The following SCMH1 variants were observed in gnomAD, a reference collection of about 807,000 sequenced individuals.
The protein encoded by SCMH1 is polycomb protein SCMH1.
A neutral mutation model predicts 70.8 loss-of-function variants in SCMH1; 37 were observed. That is an observed-to-expected ratio of 0.52 (90% CI 0.40 to 0.69). The LOEUF (loss-of-function observed/expected upper bound fraction) is 0.69. SCMH1 is among the 30% of genes least tolerant of loss of function. SCMH1 has a pLI of 0.00. For synonymous variants in SCMH1, 292 were observed against 307.4 expected (o/e 0.95, Z 0.52); for missense variants, 607 against 827.3 (o/e 0.73, Z 3.27).
chr1:41,141,485 C>CTA lies in SCMH1; in HGVS notation c.412+1391_412+1392dup, dbSNP rs542768836. On this transcript the variant is annotated intron_variant, in intron 6 of 14. Coordinates refer to ENST00000337495, the Ensembl canonical transcript of SCMH1. The stretch of plus-strand genomic sequence containing the variant: ...CATTATAAAACAAGAGACAACCAGA[C>CTA]TATACATGCTTCTTGATAGAAATAA... Among the ~76,000 whole-genome samples, 927 of 152,266 alleles carry CTA rather than the reference C, an allele frequency of 6.1e-3. 13 individuals are homozygous for CTA. Among genetic ancestry groups the CTA allele is most frequent in the African/African-American group, 0.021 (886 of 41,546 alleles).
At chr1:41,036,560 G>A (rs1645325486) in intron 13 of SCMH1, among the ~76,000 whole-genome samples, 1 of 152,124 alleles carries the variant, frequency 6.6e-6, no homozygotes, top group Non-Finnish European at 1.5e-5. Context: ...AACTTGTTTA[G>A]GTTTCTCTAG....
chr1:41,191,685 C>G (rs1371664063), intron 1 of SCMH1, among the ~76,000 whole-genome samples: 1 of 152,148 alleles, frequency 6.6e-6, no homozygotes, highest in Non-Finnish European at 1.5e-5. Context: ...TGGTATACTT[C>G]TATTGGCAAA....
At chr1:41,065,553 C>G (rs1044165083) in intron 10 of SCMH1, among the ~76,000 whole-genome samples, 2 of 152,160 alleles carry the variant, frequency 1.3e-5, no homozygotes, top group African/African-American at 4.8e-5. Context: ...GCTGATACTA[C>G]CTGACTTCAA....
At chr1:41,050,756 T>C (rs1647812602) in intron 10 of SCMH1, among the ~76,000 whole-genome samples, 1 of 152,202 alleles carries the variant, frequency 6.6e-6, no homozygotes, top group South Asian at 2.1e-4. Flanking sequence ...CAAAGCTGTA[T>C]ACCCTAAAGC....
chr1:41,145,850 T>A (rs769610268), intron 5 of SCMH1, among the ~76,000 whole-genome samples: 4 of 152,184 alleles, frequency 2.6e-5, no homozygotes, highest in Non-Finnish European at 4.4e-5. Flanking sequence ...TAAAAAAACC[T>A]ACTGTGCTGC....
intron 9 of SCMH1, among the ~76,000 whole-genome samples, chr1:41,074,549 A>G (rs536231715): frequency 1.3e-5 from 2 of 152,288 alleles, no homozygotes; most frequent in Admixed American, 1.3e-4. Flanking sequence ...AAGCTGATTA[A>G]AAGAAAAAAA....
At chr1:41,241,666 C>G (rs1231654596) in intron 1 of SCMH1, among the ~76,000 whole-genome samples, 1 of 152,010 alleles carries the variant, frequency 6.6e-6, no homozygotes, top group Non-Finnish European at 1.5e-5. Flanking sequence ...CCAGCCTGCC[C>G]CGGCCCACCC....
chr1:41,058,253 CTCAA>C (rs1236852149), intron 10 of SCMH1, among the ~76,000 whole-genome samples: 2 of 151,514 alleles, frequency 1.3e-5, no homozygotes, highest in East Asian at 1.9e-4. Context: ...AAGAAATGGT[CTCAA>C]TCAATCAAGG....
chr1:41,150,472 C>A (rs951762032), intron 5 of SCMH1, among the ~76,000 whole-genome samples: 1 of 152,100 alleles, frequency 6.6e-6, no homozygotes, highest in Non-Finnish European at 1.5e-5. Flanking sequence ...CACCGCACTC[C>A]AGCCTGGGTG....
chr1:41,208,418 G>C (rs1399556450), intron 1 of SCMH1, among the ~76,000 whole-genome samples: 1 of 116,450 alleles, frequency 8.6e-6, no homozygotes, highest in Non-Finnish European at 1.8e-5. Flanking sequence ...CTAAAACTTA[G>C]AGTATAAGAA....
chr1:41,155,507 A>AAAACAAACAAAC (rs547168813), intron 4 of SCMH1, among the ~76,000 whole-genome samples: 1,792 of 152,064 alleles, frequency 0.012, 36 homozygotes, highest in African/African-American at 0.041. Context: ...ACATGGAGCA[A>AAAACAAACAAAC]AAACAAACAA....
chr1:41,158,104 C>T (rs182837909), intron 4 of SCMH1, among the ~76,000 whole-genome samples: 2 of 152,208 alleles, frequency 1.3e-5, no homozygotes, highest in Admixed American at 6.5e-5. Context: ...GGTAAACAGA[C>T]CCAAAACCAC....
intron 6 of SCMH1, among the ~76,000 whole-genome samples, chr1:41,136,736 T>C (rs557755439): frequency 1.3e-5 from 2 of 151,946 alleles, no homozygotes; most frequent in South Asian, 4.2e-4. Flanking sequence ...TAGTGGTTTG[T>C]CTATTTCATG....
intron 5 of SCMH1, among the ~76,000 whole-genome samples, chr1:41,145,687 C>G (rs1469465370): frequency 5.9e-5 from 9 of 152,112 alleles, no homozygotes; most frequent in Non-Finnish European, 4.4e-5. Flanking sequence ...TAGTCATGTT[C>G]TGCATAATGA....
At chr1:41,186,295 C>T in intron 1 of SCMH1, 45 bp from the exon 2 acceptor site, 1 of 557,976 alleles carries the variant, frequency 1.8e-6, no homozygotes, top group South Asian at 2.1e-5. Context: ...ACATTTATTA[C>T]CTGTAAAGTA....
intron 4 of SCMH1, chr1:41,152,871 G>T: frequency 1.1e-6 from 1 of 870,518 alleles, no homozygotes; most frequent in South Asian, 2.0e-5. Flanking sequence ...CCTTAACTAA[G>T]CCAAATAGAT....
At chr1:41,110,918 T>C (rs956815604) in intron 8 of SCMH1, among the ~76,000 whole-genome samples, 11 of 152,338 alleles carry the variant, frequency 7.2e-5, no homozygotes, top group African/African-American at 2.6e-4. Context: ...GATCGAGAAT[T>C]CCAGTTTTTC....
chr1:41,094,857 C>A (rs1057183109), intron 8 of SCMH1, among the ~76,000 whole-genome samples: 1 of 151,740 alleles, frequency 6.6e-6, no homozygotes, highest in Non-Finnish European at 1.5e-5. Flanking sequence ...CCATTGCACT[C>A]CAGCCTGTGG....
At chr1:41,193,568 C>T (rs1263888189) in intron 1 of SCMH1, among the ~76,000 whole-genome samples, 4 of 151,940 alleles carry the variant, frequency 2.6e-5, no homozygotes, top group African/African-American at 9.7e-5. Context: ...TGAAGTTGAG[C>T]TAGGATTATC....
Sources: gnomAD v4.1 joint callset for allele counts (sites outside exome capture counted in the v4.1 genomes callset) on GRCh38, gnomAD v4.1.1 for gene constraint, MANE v1.5 for transcripts, NCBI Gene and HGNC (gene_info 2026-07-23, HGNC 2026-07-21) for gene names.